PEX11G: variants seen among roughly 807,000 people sequenced by gnomAD.
PEX11G encodes peroxisomal membrane protein 11C.
Under a neutral mutation model 22.5 loss-of-function variants are expected in PEX11G, and 20 were observed. That is an observed-to-expected ratio of 0.89 (90% CI 0.62 to 1.29). The LOEUF is 1.29. PEX11G is among the 50% of genes most tolerant of loss of function. The pLI is 0.00. For missense variants in PEX11G, 347 were observed against 331.3 expected (o/e 1.05, Z -0.37); for synonymous variants, 141 against 154.5 (o/e 0.91, Z 0.65).
intron 3 of PEX11G, among the ~76,000 whole-genome samples, chr19:7,481,146 C>G (rs575830584): frequency 3.5e-4 from 53 of 152,272 alleles, no homozygotes; most frequent in Admixed American, 1.3e-3. Context: ...TGTCCTGAAC[C>G]TGTCAACATG....
intron 1 of PEX11G, 42 bp downstream of exon 1, chr19:7,488,909 C>T (rs903954549): frequency 1.3e-6 from 2 of 1,543,844 alleles, no homozygotes. Context: ...TGAGCTTGGG[C>T]CAAACTCTAG....
chr19:7,482,013 T>C lies in PEX11G; in HGVS notation c.428+20A>G, dbSNP rs1245476207. On this transcript the variant is annotated intron_variant, in intron 3 of 4. Transcript: ENST00000221480. ...CCGCCCAGGGACCTTGGGTGCTCCC[T>C]TCTGGCCCATGCCACTTACCTGGCA... The C allele has an allele frequency of 6.4e-7, 1 of 1,568,702 alleles. No individual in the cohort carries two copies.
rs1299995196 is a variant in PEX11G, at chr19:7,477,336, A to G, written c.592T>C (p.Trp198Arg). 1 of 1,558,888 alleles carries G rather than the reference A, an allele frequency of 6.4e-7. No homozygotes were observed. Residue 198 changes from tryptophan to arginine, a missense_variant, in exon 5 of 5, where the codon TGG (tryptophan) becomes CGG (arginine). Trp to Arg is a moderately radical substitution (Grantham distance 101, BLOSUM62 -3). Transcript: ENST00000221480. ...GCCCACAGCACGCCCCGGGGCAGCC[A>G]GTGCACGGCGTTGGCCAGGTCGGCC... ...NLADLANAVH[W>R]LPRGVLWAGR...
At position 7,477,241 on chromosome 19, in the gene PEX11G, C is replaced by T. The variant is rs964361053; in HGVS notation, c.687G>A (p.Ala229=). The T allele has an allele frequency of 2.2e-5, 34 of 1,550,696 alleles. No individual in the cohort carries two copies. Among genetic ancestry groups the T allele is most frequent in the South Asian group, 3.6e-5 (3 of 82,728 alleles). Reference sequence around the variant, plus strand: ...CCTCGGCCTGGCCGCCGGCCCGGGCCGCCTGGTACATGCTGAGGATTGAGG... The same window carrying T: ...CCTCGGCCTGGCCGCCGGCCCGGGCTGCCTGGTACATGCTGAGGATTGAGG... The part of the protein sequence containing the change: ...TISSILSMYQ[A]ARAGGQAEAT... Residue 229 remains alanine, a synonymous_variant, in exon 5 of 5, where the codon GCG becomes GCA. Transcript: ENST00000221480.
upstream of PEX11G, among the ~76,000 whole-genome samples, chr19:7,492,137 T>C (rs1275586939): frequency 1.3e-5 from 2 of 152,206 alleles, no homozygotes; most frequent in African/African-American, 4.8e-5. Context: ...GCTATAAACA[T>C]TTGTGAATAT....
chr19:7,478,248 G>T (rs1016279156), intron 4 of PEX11G, 66 bp downstream of exon 4: 16 of 1,539,900 alleles, frequency 1.0e-5, no homozygotes, highest in Non-Finnish European at 1.4e-5. Flanking sequence ...AGGGGTGGCT[G>T]CGAGCCGGGA....
chr19:7,489,036 G>A, upstream of PEX11G: 1 of 1,496,642 alleles, frequency 6.7e-7, no homozygotes, highest in Non-Finnish European at 8.9e-7. Context: ...TCACCGCGAC[G>A]TCGGCGCGCC....
rs779353987 is a variant in PEX11G, at chr19:7,488,938, G to A, written c.60+13C>T. On this transcript the variant is annotated intron_variant, in intron 1 of 4. Transcript: ENST00000221480. ...ACTCTAGGACCTCCGGCCCCGGTCC[G>A]CCCCTGCCTCACCAGGCGGTCCCGG... is the stretch of plus-strand genomic sequence containing the variant. The A allele has an allele frequency of 2.6e-6, 4 of 1,549,606 alleles. No individual in the cohort carries two copies. In the East Asian group the frequency reaches 7.3e-5, roughly 28 times the overall value.
At chr19:7,486,720 C>T (rs1283916777) in intron 1 of PEX11G, among the ~76,000 whole-genome samples, 8 of 152,160 alleles carry the variant, frequency 5.3e-5, no homozygotes, top group African/African-American at 1.9e-4. Context: ...CTGCCTCAGC[C>T]TCCCGAGTAG....
At chr19:7,481,965 G>A (rs553785383) in intron 3 of PEX11G, 68 bp downstream of exon 3, 31 of 1,421,248 alleles carry the variant, frequency 2.2e-5, no homozygotes, top group South Asian at 4.4e-5. Flanking sequence ...TGCTGGGGCC[G>A]CTGCCACTTT....
At chr19:7,488,885 C>G (rs776889266) in intron 1 of PEX11G, 66 bp downstream of exon 1, 121 of 1,509,842 alleles carry the variant, frequency 8.0e-5, no homozygotes, top group Non-Finnish European at 1.1e-4. Flanking sequence ...CTCTCTGGCC[C>G]GTTTCCCAGT....
chr19:7,482,019 C>T lies in PEX11G; in HGVS notation c.428+14G>A, dbSNP rs372256990. ...AGGGACCTTGGGTGCTCCCTTCTGG[C>T]CCATGCCACTTACCTGGCAACCCCC... is the stretch of plus-strand genomic sequence containing the variant. On this transcript the variant is annotated intron_variant, in intron 3 of 4. Coordinates refer to ENST00000221480, the MANE Select transcript of PEX11G (RefSeq NM_080662.4). 16 of 1,577,978 alleles carry T rather than the reference C, an allele frequency of 1.0e-5. No homozygotes were observed. The highest frequency in any genetic ancestry group is 3.6e-5 in the Admixed American group (2 of 54,968).
At chr19:7,480,426 G>A (rs1224856922) in intron 3 of PEX11G, among the ~76,000 whole-genome samples, 1 of 152,088 alleles carries the variant, frequency 6.6e-6, no homozygotes, top group African/African-American at 2.4e-5. Context: ...CCCTCCCCCA[G>A]GTCTCCCAGC....
At chr19:7,478,921 AGT>A (rs1977366008) in intron 3 of PEX11G, among the ~76,000 whole-genome samples, 1 of 152,078 alleles carries the variant, frequency 6.6e-6, no homozygotes, top group African/African-American at 2.4e-5. Context: ...GGGGCTACCC[AGT>A]GGGCAGCCTC....
intron 3 of PEX11G, among the ~76,000 whole-genome samples, chr19:7,480,100 C>T (rs1599209935): frequency 6.6e-6 from 1 of 152,054 alleles, no homozygotes; most frequent in East Asian, 1.9e-4. Context: ...CGTGTCTCTA[C>T]AGAAAAAAAA....
At chr19:7,489,865 T>C (rs1476225242), upstream of PEX11G, among the ~76,000 whole-genome samples, 10 of 147,346 alleles carry the variant, frequency 6.8e-5, no homozygotes, top group East Asian at 2.0e-4. Context: ...TTTTTTTTTT[T>C]CTTTTTTTTT....
intron 3 of PEX11G, among the ~76,000 whole-genome samples, chr19:7,480,735 C>T (rs1282791388): frequency 6.6e-6 from 1 of 152,082 alleles, no homozygotes; most frequent in Non-Finnish European, 1.5e-5. Context: ...GCAAAGCTTC[C>T]CCCAGAAAAA....
rs769485771 is a variant in PEX11G at position 7,477,434 on chromosome 19, G to A, written c.494C>T (p.Pro165Leu). 72 of 1,435,934 alleles carry A rather than the reference G, an allele frequency of 5.0e-5. No individual in the cohort carries two copies. The Admixed American group carries it at 6.0e-4, about 12-fold the overall frequency. The allele number at this position is 1,435,934 out of a possible 1,614,324, so 88.9% of individuals were successfully genotyped here. A position where few individuals can be genotyped will look rare whatever the true frequency, so the allele number is the denominator to read the frequency against. ...GGCCCTCCGCTTGCCCCGGGGCAGC[G>A]GGCTGTGGGGCAGAGAGGGGCCGCT... ...LRSPTAPFTSPLPRGKRRAME... is the reference protein window; with the variant it reads ...LRSPTAPFTSLLPRGKRRAME... The change falls in exon 5 of 5, where the codon CCG (proline) becomes CTG (leucine). Residue 165 changes from proline to leucine, a missense_variant and splice_region_variant. By Grantham distance (98) the Pro-to-Leu change is moderately conservative. Coordinates refer to ENST00000221480, the MANE Select transcript of PEX11G (RefSeq NM_080662.4).
At position 7,488,957 on chromosome 19, in the gene PEX11G, G is replaced by A. The variant is rs1046331569; in HGVS notation, c.54C>T (p.Asp18=). Residue 18 remains aspartate, a synonymous_variant, in exon 1 of 5, where the codon GAC becomes GAT. Coordinates refer to ENST00000221480, the MANE Select transcript of PEX11G (RefSeq NM_080662.4). Reference sequence around the variant, plus strand: ...CGGTCCGCCCCTGCCTCACCAGGCGGTCCCGGCCCCTGTACGACTCCAGCG... The same window carrying A: ...CGGTCCGCCCCTGCCTCACCAGGCGATCCCGGCCCCTGTACGACTCCAGCG... The part of the protein sequence containing the change: ...ASALESYRGR[D]RLIRVLGYCC... The A allele has an allele frequency of 5.1e-6, 8 of 1,553,894 alleles. No homozygotes were observed. Among genetic ancestry groups the A allele is most frequent in the Non-Finnish European group, 7.0e-6 (8 of 1,150,682 alleles).
Sources: gnomAD v4.1 joint callset for allele counts (sites outside exome capture counted in the v4.1 genomes callset) on GRCh38, gnomAD v4.1.1 for gene constraint, MANE v1.5 for transcripts, NCBI Gene and HGNC (gene_info 2026-07-23, HGNC 2026-07-21) for gene names.